The following EPHA3 variants were observed in gnomAD, a reference collection of about 807,000 sequenced individuals.
The protein encoded by EPHA3 is ephrin type-A receptor 3.
A neutral mutation model predicts 107.1 loss-of-function variants in EPHA3; 42 were observed. The observed-to-expected ratio is 0.39, with a 90% CI of 0.31 to 0.51. The LOEUF is 0.51. Ranked by LOEUF, EPHA3 falls within the 20% of genes least tolerant of loss-of-function variation. The pLI is 0.78. For synonymous variants in EPHA3, 461 were observed against 424.8 expected (o/e 1.09, Z -1.05); for missense variants, 1,183 against 1,211.2 (o/e 0.98, Z 0.35).
intron 5 of EPHA3, among the ~76,000 whole-genome samples, chr3:89,361,563 C>T (rs1708091494): frequency 6.6e-6 from 1 of 151,022 alleles, no homozygotes; most frequent in Non-Finnish European, 1.5e-5. Context: ...TCAAACATTC[C>T]TACCATAAAT....
chr3:89,110,630 G>A (rs949492941), intron 1 of EPHA3, among the ~76,000 whole-genome samples: 2 of 151,872 alleles, frequency 1.3e-5, no homozygotes, highest in African/African-American at 4.8e-5. Flanking sequence ...ATTCTTATCA[G>A]GTCTCTCTGT....
At chr3:89,124,389 G>C (rs1704047267) in intron 1 of EPHA3, among the ~76,000 whole-genome samples, 1 of 152,068 alleles carries the variant, frequency 6.6e-6, no homozygotes, top group South Asian at 2.1e-4. Flanking sequence ...TGGATCACAG[G>C]AGATTTGAGG....
intron 3 of EPHA3, among the ~76,000 whole-genome samples, chr3:89,272,840 T>C (rs1364660175): frequency 1.3e-5 from 2 of 151,906 alleles, no homozygotes. Flanking sequence ...CTTGATGACA[T>C]AGGATTTAAA....
chr3:89,262,730 A>T (rs991096023), intron 3 of EPHA3, among the ~76,000 whole-genome samples: 39 of 152,112 alleles, frequency 2.6e-4, no homozygotes, highest in African/African-American at 8.0e-4. Context: ...CGGTAACTGG[A>T]GTCAGAAGCA....
intron 3 of EPHA3, among the ~76,000 whole-genome samples, chr3:89,328,716 C>T (rs183311474): frequency 3.9e-5 from 6 of 152,254 alleles, no homozygotes; most frequent in Admixed American, 2.6e-4. Flanking sequence ...ACAGCCAATG[C>T]ACTTAATACC....
At chr3:89,119,434 T>C (rs1245873068) in intron 1 of EPHA3, among the ~76,000 whole-genome samples, 2 of 152,122 alleles carry the variant, frequency 1.3e-5, no homozygotes, top group Non-Finnish European at 2.9e-5. Flanking sequence ...ACCATGCTCC[T>C]AAGATGCAAA....
chr3:89,329,760 A>T (rs1008593402), intron 3 of EPHA3, among the ~76,000 whole-genome samples: 1 of 152,114 alleles, frequency 6.6e-6, no homozygotes, highest in Non-Finnish European at 1.5e-5. Flanking sequence ...ACCATTAAAT[A>T]CTACTATATA....
chr3:89,249,664 T>C (rs1705116080), intron 3 of EPHA3, among the ~76,000 whole-genome samples: 1 of 152,062 alleles, frequency 6.6e-6, no homozygotes, highest in African/African-American at 2.4e-5. Context: ...TTTCACCACA[T>C]TGCCCTCACT....
At chr3:89,237,705 CCT>C (rs1353809188) in intron 3 of EPHA3, among the ~76,000 whole-genome samples, 10 of 151,976 alleles carry the variant, frequency 6.6e-5, no homozygotes, top group African/African-American at 2.4e-4. Context: ...ATGGCTCACA[CCT>C]ATAATTCCAG....
intron 3 of EPHA3, among the ~76,000 whole-genome samples, chr3:89,221,897 T>C (rs1231584179): frequency 3.3e-5 from 5 of 152,020 alleles, no homozygotes; most frequent in East Asian, 1.9e-4. Context: ...GTTGGAGAAA[T>C]TGGTTATAAG....
chr3:89,259,872 TTCTG>T (rs1302070828), intron 3 of EPHA3, among the ~76,000 whole-genome samples: 3 of 152,182 alleles, frequency 2.0e-5, no homozygotes, highest in African/African-American at 4.8e-5. Context: ...CTGTTTTATT[TTCTG>T]TCTATTTTTT....
At chr3:89,201,649 T>C (rs916277037) in intron 2 of EPHA3, among the ~76,000 whole-genome samples, 1 of 152,212 alleles carries the variant, frequency 6.6e-6, no homozygotes, top group Non-Finnish European at 1.5e-5. Flanking sequence ...ATAATCATCT[T>C]GTTTTCATGA....
chr3:89,429,123 G>A lies in EPHA3; in HGVS notation c.2092G>A (p.Val698Ile). 3 of 1,610,178 alleles carry A rather than the reference G, an allele frequency of 1.9e-6. No individual in the cohort carries two copies. Among genetic ancestry groups the A allele is most frequent in the Non-Finnish European group, 2.5e-6 (3 of 1,177,144 alleles). Reference sequence around the variant, plus strand: ...ATATCTAGGTAAGCCAGTTATGATTGTCACAGAATACATGGAGAATGGTTC... The same window carrying A: ...ATATCTAGGTAAGCCAGTTATGATTATCACAGAATACATGGAGAATGGTTC... Reference protein sequence around the residue: ...VVTKSKPVMIVTEYMENGSLD... With the variant: ...VVTKSKPVMIITEYMENGSLD... The change falls in exon 12 of 17, where the codon GTC becomes ATC. Residue 698 changes from valine to isoleucine, a missense_variant. Transcript: ENST00000336596.
chr3:89,171,665 A>G (rs1354119758), intron 2 of EPHA3, among the ~76,000 whole-genome samples: 1 of 152,218 alleles, frequency 6.6e-6, no homozygotes, highest in African/African-American at 2.4e-5. Flanking sequence ...GCTTATTGCT[A>G]AAAGGTTATA....
At chr3:89,405,314 T>C (rs1709035458) in intron 7 of EPHA3, among the ~76,000 whole-genome samples, 1 of 152,142 alleles carries the variant, frequency 6.6e-6, no homozygotes, top group Admixed American at 6.5e-5. Flanking sequence ...CCTTTGCCAG[T>C]ACTGTTAAGT....
intron 3 of EPHA3, among the ~76,000 whole-genome samples, chr3:89,211,775 T>C (rs1190404426): frequency 3.1e-4 from 45 of 143,226 alleles, no homozygotes; most frequent in East Asian, 8.4e-4. Context: ...TTCTTCTTCT[T>C]CTTCTTCTTC....
intron 10 of EPHA3, among the ~76,000 whole-genome samples, chr3:89,414,004 A>G (rs115328955): frequency 4.6e-5 from 7 of 151,798 alleles, no homozygotes; most frequent in Admixed American, 3.9e-4. Flanking sequence ...AAAATGAACC[A>G]TGCTCAACAA....
chr3:89,292,216 T>C (rs1706223547), intron 3 of EPHA3, among the ~76,000 whole-genome samples: 1 of 152,078 alleles, frequency 6.6e-6, no homozygotes, highest in Non-Finnish European at 1.5e-5. Flanking sequence ...CAACCAACCA[T>C]GAATCAAAAA....
In EPHA3 at chr3:89,450,375, C is replaced by T; in HGVS notation, c.2690+5C>T. On this transcript the variant is annotated splice_donor_5th_base_variant and intron_variant, in intron 15 of 16. Coordinates refer to ENST00000336596, the MANE Select transcript of EPHA3 (RefSeq NM_005233.6). Reference sequence around the variant, plus strand: ...CATCACCAGTGCAGCCGCAAGGTGACACATTCAATTTGTTATCTGGCATTC... The same window carrying T: ...CATCACCAGTGCAGCCGCAAGGTGATACATTCAATTTGTTATCTGGCATTC... 1 of 1,604,816 alleles carries T rather than the reference C, an allele frequency of 6.2e-7. No individual in the cohort carries two copies. Among genetic ancestry groups the T allele is most frequent in the South Asian group, 1.1e-5 (1 of 89,778 alleles).
Sources: gnomAD v4.1 joint callset for allele counts (sites outside exome capture counted in the v4.1 genomes callset) on GRCh38, gnomAD v4.1.1 for gene constraint, MANE v1.5 for transcripts, NCBI Gene and HGNC (gene_info 2026-07-23, HGNC 2026-07-21) for gene names.